Variants in MASP1 observed in about 807,000 individuals in gnomAD.
MASP1 encodes MBL associated serine protease 1, also known as mannan-binding lectin serine protease 1.
A neutral mutation model predicts 77.1 loss-of-function variants in MASP1; 59 were observed. The ratio of observed to expected loss-of-function variants is 0.77; its 90% CI spans 0.62 to 0.95. The LOEUF (loss-of-function observed/expected upper bound fraction) is 0.95, where lower values mean the gene tolerates loss of function less well. Among genes scored for constraint, MASP1 ranks in the 40% least tolerant of loss-of-function variants. MASP1 has a pLI of 0.00. For synonymous variants in MASP1, 362 were observed against 354.5 expected, an observed-to-expected ratio of 1.02 and a Z score of -0.24; for missense variants, 885 against 912.9, an observed-to-expected ratio of 0.97 and a Z score of 0.39.
In MASP1 at chr3:187,243,621, A is replaced by G. The variant is rs1374203322; in HGVS notation, c.1091T>C (p.Ile364Thr). ...CTCTCCTGGGGCTCTACAGTCTACA[A>G]CTGAGAGAGAAGAAGTGAGACCCCT... Reference protein sequence around the residue: ...TWSNKIPTCKIVDCRAPGELE... With the variant: ...TWSNKIPTCKTVDCRAPGELE... Residue 364 changes from isoleucine (I) to threonine (T), a missense_variant and splice_region_variant, in exon 9 of 11, where the codon ATT (isoleucine) becomes ACT (threonine). Transcript: ENST00000296280. 1.2e-6 allele frequency: 2 copies of G among 1,614,192 alleles called. No individual in the cohort carries two copies. The highest frequency in any genetic ancestry group is 2.2e-5 in the South Asian group (2 of 91,086).
intron 11 of MASP1, among the ~76,000 whole-genome samples, chr3:187,226,830 A>G (rs923986462): frequency 6.6e-6 from 1 of 152,208 alleles, no homozygotes; most frequent in Non-Finnish European, 1.5e-5. Context: ...AGGTGGGTGC[A>G]CAGAAAGCCT....
At chr3:187,266,968 A>T (rs961055888) in intron 2 of MASP1, among the ~76,000 whole-genome samples, 1 of 152,242 alleles carries the variant, frequency 6.6e-6, no homozygotes, top group Non-Finnish European at 1.5e-5. Flanking sequence ...CCATAAATTC[A>T]TTACATCAGC....
At chr3:187,245,802 G>T (rs1242466440) in intron 8 of MASP1, among the ~76,000 whole-genome samples, 2 of 152,144 alleles carry the variant, frequency 1.3e-5, no homozygotes, top group Non-Finnish European at 2.9e-5. Context: ...CTTTCCCCTT[G>T]CCTTGGAGGT....
intron 10 of MASP1, among the ~76,000 whole-genome samples, chr3:187,238,669 A>T (rs1485635362): frequency 1.3e-5 from 2 of 152,240 alleles, no homozygotes; most frequent in Admixed American, 1.3e-4. Context: ...ATCATGGTAA[A>T]AAAATGGCTC....
In MASP1 at chr3:187,241,540, G is replaced by T; in HGVS notation, c.1244C>A (p.Ser415Tyr). The T allele has an allele frequency of 6.2e-7, 1 of 1,613,296 alleles. No individual in the cohort carries two copies. The highest frequency in any genetic ancestry group is 8.5e-7 in the Non-Finnish European group (1 of 1,179,286). ...LNNNTGIYTC[S>Y]AQGVWMNKVL... The stretch of plus-strand genomic sequence containing the variant: ...TTTATTCATCCAGACTCCTTGGGCA[G>T]AACAGGTATATATACCTGGATTAGT... The change falls in exon 10 of 11, where the codon TCT becomes TAT. Residue 415 changes from serine (S) to tyrosine (Y), a missense_variant. By Grantham distance (144) the Ser-to-Tyr change is moderately radical (BLOSUM62 -2). Coordinates refer to ENST00000296280, the MANE Select transcript of MASP1 (RefSeq NM_139125.4).
chr3:187,243,774 T>G (rs1365547830), intron 8 of MASP1, 153 bp from the exon 9 acceptor site: 1 of 895,096 alleles, frequency 1.1e-6, no homozygotes, highest in Non-Finnish European at 1.8e-6. Context: ...CCCTGGGGTG[T>G]GCAGTGTACA....
chr3:187,232,411 T>C (rs941832117), downstream of MASP1, among the ~76,000 whole-genome samples: 11 of 152,206 alleles, frequency 7.2e-5, no homozygotes, highest in African/African-American at 1.9e-4. Context: ...AAATCTGCCC[T>C]GTCCTCTAAA....
chr3:187,275,740 G>A (rs1417105132), intron 2 of MASP1, among the ~76,000 whole-genome samples: 2 of 151,984 alleles, frequency 1.3e-5, no homozygotes, highest in Non-Finnish European at 2.9e-5. Flanking sequence ...TCTGAATGTC[G>A]AATGATAAGC....
At chr3:187,288,578 C>T (rs1388621068) in intron 1 of MASP1, among the ~76,000 whole-genome samples, 2 of 152,250 alleles carry the variant, frequency 1.3e-5, no homozygotes, top group Non-Finnish European at 2.9e-5. Context: ...ATTTTGTTAA[C>T]TGTCCAGCCC....
At chr3:187,283,952 G>GT (rs1400327649) in intron 2 of MASP1, among the ~76,000 whole-genome samples, 1 of 152,138 alleles carries the variant, frequency 6.6e-6, no homozygotes, top group Non-Finnish European at 1.5e-5. Context: ...CCTGAAAAGC[G>GT]TAACTGGCCT....
Position 187,236,304 on chromosome 3 carries a change from G to T in MASP1, c.1567C>A (p.His523Asn), listed in dbSNP as rs1307805780. The T allele has an allele frequency of 6.2e-7, 1 of 1,614,272 alleles. No individual in the cohort carries two copies. The highest frequency in any genetic ancestry group is 1.1e-5 in the South Asian group (1 of 91,086). Residue 523 changes from histidine (H) to asparagine (N), a missense_variant, in exon 11 of 11, where the codon CAT becomes AAT. Transcript: ENST00000296280. ...GCCCCCGATTTGTCTCGCACATCAT[G>T]CAAGCCCAGGTAGACGGTGACATGC... The part of the protein sequence containing the change: ...KEHVTVYLGL[H>N]DVRDKSGAVN...
rs931192075 is a variant in MASP1, at chr3:187,235,019, C to A, written c.*665G>T. 1.6e-6 allele frequency: 2 copies of A among 1,287,252 alleles called. No homozygotes were observed. The highest frequency in any genetic ancestry group is 3.3e-4 in the Middle Eastern group (1 of 3,064). The allele number at this position is 1,287,252 out of a possible 1,614,324, so 79.7% of individuals were successfully genotyped here. A position where few individuals can be genotyped will look rare whatever the true frequency, so the allele number is the denominator to read the frequency against. On this transcript the variant is annotated 3_prime_UTR_variant, in exon 11 of 11. Coordinates refer to ENST00000296280, the MANE Select transcript of MASP1 (RefSeq NM_139125.4). Reference sequence around the variant, plus strand: ...CAGCAGTCAGCACAAACCTTCCCAACTTTCTCCATGTCTTTTGAAATTCCT... The same window carrying A: ...CAGCAGTCAGCACAAACCTTCCCAAATTTCTCCATGTCTTTTGAAATTCCT...
chr3:187,220,633 G>A (rs1712001494), intron 15 of MASP1, among the ~76,000 whole-genome samples: 1 of 151,692 alleles, frequency 6.6e-6, no homozygotes, highest in Admixed American at 6.5e-5. Context: ...GAGTAGCTGG[G>A]ACTACAGGCA....
At chr3:187,224,567 C>T (rs868654966) in intron 13 of MASP1, among the ~76,000 whole-genome samples, 4 of 151,774 alleles carry the variant, frequency 2.6e-5, no homozygotes, top group Admixed American at 6.6e-5. Context: ...GGGATGGTCT[C>T]GATCTCCTGA....
At chr3:187,256,510 A>G in intron 5 of MASP1, 154 bp downstream of exon 5, 1 of 746,152 alleles carries the variant, frequency 1.3e-6, no homozygotes, top group Non-Finnish European at 2.3e-6. Flanking sequence ...TCTAACTAAG[A>G]TGGTAGATAT....
At chr3:187,225,775 T>C (rs1712391876) in intron 12 of MASP1, among the ~76,000 whole-genome samples, 1 of 152,240 alleles carries the variant, frequency 6.6e-6, no homozygotes. Flanking sequence ...GTTCAATCCC[T>C]ATCATCACCT....
At chr3:187,258,216 T>C (rs911904064) in intron 4 of MASP1, among the ~76,000 whole-genome samples, 15 of 152,208 alleles carry the variant, frequency 9.9e-5, no homozygotes, top group African/African-American at 3.6e-4. Flanking sequence ...CCCACCCTGT[T>C]CCACCAGCCA....
intron 4 of MASP1, among the ~76,000 whole-genome samples, chr3:187,260,221 G>A (rs908406734): frequency 6.6e-6 from 1 of 152,166 alleles, no homozygotes; most frequent in Non-Finnish European, 1.5e-5. Context: ...TAGCATAGTA[G>A]GTACGTTGAT....
intron 13 of MASP1, chr3:187,225,236 T>A (rs1003003494): frequency 3.4e-6 from 5 of 1,456,502 alleles, no homozygotes; most frequent in Non-Finnish European, 4.8e-6. Flanking sequence ...TCAGCTGACT[T>A]AATTGGCACC....
Sources: gnomAD v4.1 joint callset for allele counts (sites outside exome capture counted in the v4.1 genomes callset) on GRCh38, gnomAD v4.1.1 for gene constraint, MANE v1.5 for transcripts, NCBI Gene and HGNC (gene_info 2026-07-23, HGNC 2026-07-21) for gene names.